Variants in MTRF1 observed in about 807,000 individuals in gnomAD.
MTRF1 encodes the protein peptide chain release factor 1, mitochondrial.
MTRF1 carries 51 observed loss-of-function variants against 62.9 expected under a neutral mutation model. The observed-to-expected ratio is 0.81, with a 90% CI of 0.65 to 1.02. The LOEUF (loss-of-function observed/expected upper bound fraction) is 1.02. Ranked by LOEUF, MTRF1 falls within the 50% of genes least tolerant of loss-of-function variation. The pLI is 0.00. For synonymous variants in MTRF1, 158 were observed against 181.9 expected (o/e 0.87, Z 1.06); for missense variants, 446 against 530.0 (o/e 0.84, Z 1.56).
chr13:41,300,263 T>C, the MTRF1 span, among the ~76,000 whole-genome samples: 2 of 152,202 alleles, frequency 1.3e-5, no homozygotes, highest in African/African-American at 2.4e-5. Flanking sequence ...TTCTGTTTGC[T>C]GTAATTACAA....
the MTRF1 span, among the ~76,000 whole-genome samples, chr13:41,296,012 A>G: frequency 6.6e-6 from 1 of 152,240 alleles, no homozygotes; most frequent in African/African-American, 2.4e-5. Context: ...GTCAAGTGGT[A>G]CAATCACAAC....
chr13:41,265,881 C>A (rs976308737), upstream of MTRF1, among the ~76,000 whole-genome samples: 1 of 152,030 alleles, frequency 6.6e-6, no homozygotes, highest in Non-Finnish European at 1.5e-5. Context: ...GGTGGAGTCT[C>A]GCTCTGTCAC....
At chr13:41,277,679 T>C in the MTRF1 span, among the ~76,000 whole-genome samples, 1 of 152,340 alleles carries the variant, frequency 6.6e-6, no homozygotes, top group South Asian at 2.1e-4. Context: ...TGGGGTTTTA[T>C]GGAGGCTTCA....
At chr13:41,275,497 G>GC in the MTRF1 span, among the ~76,000 whole-genome samples, 1 of 128,236 alleles carries the variant, frequency 7.8e-6, no homozygotes, top group Admixed American at 7.6e-5. Flanking sequence ...ACCGTGCCCG[G>GC]CTTTTTTTTT....
chr13:41,268,071 T>C (rs186702020), upstream of MTRF1, among the ~76,000 whole-genome samples: 161 of 152,326 alleles, frequency 1.1e-3, 1 homozygote, highest in African/African-American at 3.0e-3. Context: ...CTTAAACAAA[T>C]TTCTTATTAT....
At chr13:41,271,050 T>C in the MTRF1 span, among the ~76,000 whole-genome samples, 1 of 111,560 alleles carries the variant, frequency 9.0e-6, no homozygotes, top group African/African-American at 3.4e-5. Flanking sequence ...AAAGGCCTTT[T>C]AAATACACAC....
the MTRF1 span, among the ~76,000 whole-genome samples, chr13:41,308,127 G>A: frequency 6.6e-6 from 1 of 152,066 alleles, no homozygotes; most frequent in Non-Finnish European, 1.5e-5. Flanking sequence ...GAGAGCAATG[G>A]TGAATGAGGG....
chr13:41,281,914 A>T, the MTRF1 span, among the ~76,000 whole-genome samples: 245 of 152,236 alleles, frequency 1.6e-3, 1 homozygote, highest in Admixed American at 2.4e-3. Flanking sequence ...AGGTGGGCAG[A>T]TCACGAGGTC....
chr13:41,231,633 A>G lies in MTRF1; in HGVS notation c.988+2257T>C, dbSNP rs373445370. Among the ~76,000 whole-genome samples, 33 of 152,326 alleles carry G rather than the reference A, an allele frequency of 2.2e-4. No homozygotes were observed. The South Asian group carries it at 6.8e-3, about 32-fold the overall frequency. On this transcript the variant is annotated intron_variant, in intron 7 of 9. Transcript: ENST00000379480. ...AATAAAAAAGCTGATTAATCCTCTA[A>G]CTGCTCCACAGTGGAACTCACTAAT...
chr13:41,304,618 C>A, the MTRF1 span, among the ~76,000 whole-genome samples: 1 of 152,268 alleles, frequency 6.6e-6, no homozygotes, highest in African/African-American at 2.4e-5. Flanking sequence ...TGCCAGAGAA[C>A]AAAGGGAGGG....
At chr13:41,291,315 C>G in the MTRF1 span, among the ~76,000 whole-genome samples, 5 of 151,864 alleles carry the variant, frequency 3.3e-5, no homozygotes, top group East Asian at 9.8e-4. Context: ...GTAGCTGGGA[C>G]TATAGGCACA....
the MTRF1 span, among the ~76,000 whole-genome samples, chr13:41,282,382 G>A: frequency 6.6e-6 from 1 of 152,076 alleles, no homozygotes; most frequent in South Asian, 2.1e-4. Flanking sequence ...GCTTGAGCCT[G>A]GTAGATTGAG....
At chr13:41,260,431 A>AT in intron 2 of MTRF1, 62 bp downstream of exon 2, 2 of 1,352,538 alleles carry the variant, frequency 1.5e-6, no homozygotes, top group Non-Finnish European at 2.0e-6. Context: ...ACACACGCAT[A>AT]TAAGTGTGTG....
the MTRF1 span, among the ~76,000 whole-genome samples, chr13:41,280,949 G>C: frequency 6.6e-6 from 1 of 152,164 alleles, no homozygotes; most frequent in Non-Finnish European, 1.5e-5. Context: ...CTTGCATCAG[G>C]TAGCGGAGAA....
intron 6 of MTRF1, 103 bp downstream of exon 6, chr13:41,240,158 G>T (rs1466208811): frequency 4.1e-6 from 5 of 1,208,270 alleles, no homozygotes; most frequent in Non-Finnish European, 4.6e-6. Context: ...GCGAGACTCT[G>T]TCTCAAAAAA....
intron 7 of MTRF1, among the ~76,000 whole-genome samples, chr13:41,227,300 C>CAA (rs77023849): frequency 7.4e-6 from 1 of 135,220 alleles, no homozygotes; most frequent in African/African-American, 2.7e-5. Context: ...CAACAAAAAC[C>CAA]AAAAAAAAAA....
chr13:41,310,085 T>G, the MTRF1 span, among the ~76,000 whole-genome samples: 1 of 152,190 alleles, frequency 6.6e-6, no homozygotes, highest in Admixed American at 6.5e-5. Flanking sequence ...GTCTCAGAAA[T>G]ATGCACCCAT....
chr13:41,294,474 GA>G, the MTRF1 span, among the ~76,000 whole-genome samples: 1 of 151,122 alleles, frequency 6.6e-6, no homozygotes, highest in African/African-American at 2.4e-5. Flanking sequence ...TCTTTATTAT[GA>G]AAAAAATTTT....
the MTRF1 span, among the ~76,000 whole-genome samples, chr13:41,291,044 C>T: frequency 1.3e-5 from 2 of 150,872 alleles, no homozygotes; most frequent in South Asian, 2.1e-4. Context: ...TGCAGTGAGC[C>T]GAGATCACGC....
Sources: allele counts gnomAD v4.1 joint callset (sites outside exome capture counted in the v4.1 genomes callset), GRCh38; gene constraint gnomAD v4.1.1; transcripts MANE v1.5; gene names NCBI Gene and HGNC (gene_info 2026-07-23, HGNC 2026-07-21).